The following MRPS14 variants were observed in gnomAD, a reference collection of about 807,000 sequenced individuals.
MRPS14 encodes the protein mitochondrial ribosomal protein S14, also known as small ribosomal subunit protein uS14m.
In MRPS14, 14 loss-of-function variants were observed where a neutral mutation model predicts 16.4. That is an observed-to-expected ratio of 0.85 (90% CI 0.56 to 1.33). The LOEUF is 1.33. Among genes scored for constraint, MRPS14 ranks in the 40% most tolerant of loss-of-function variants. The probability of loss-of-function intolerance (pLI) is 0.00; values close to 1 mark genes in which losing one functional copy is unlikely to be tolerated. For synonymous variants in MRPS14, 54 were observed against 61.9 expected (o/e 0.87, Z 0.60); for missense variants, 162 against 176.8 (o/e 0.92, Z 0.48).
At chr1:175,018,379 G>A in intron 2 of MRPS14, 39 bp downstream of exon 2, 1 of 1,531,000 alleles carries the variant, frequency 6.5e-7, no homozygotes, top group Non-Finnish European at 8.8e-7. Flanking sequence ...TTGAGTTAAT[G>A]ATCTTGTGGT....
chr1:175,014,360 C>A lies in MRPS14; in HGVS notation c.*309G>T. ...AATAATGCTCTTAATACAAAAACCCCTATATGTTACTAAAAGATTAAACTT... is the reference window on the plus strand; with the variant it reads ...AATAATGCTCTTAATACAAAAACCCATATATGTTACTAAAAGATTAAACTT... On this transcript the variant is annotated 3_prime_UTR_variant, in exon 3 of 3. Coordinates refer to ENST00000476371, the MANE Select transcript of MRPS14 (RefSeq NM_022100.3). 3 of 410,026 alleles carry A rather than the reference C, an allele frequency of 7.3e-6. No homozygotes were observed. Among genetic ancestry groups the A allele is most frequent in the Non-Finnish European group, 8.6e-6 (2 of 233,748 alleles). The allele number at this position is 410,026 out of a possible 1,614,324, so 25.4% of individuals were successfully genotyped here. A position where few individuals can be genotyped will look rare whatever the true frequency, so the allele number is the denominator to read the frequency against.
Position 175,014,013 on chromosome 1 carries a change from CAT to C in MRPS14, c.*654_*655del, listed in dbSNP as rs1672834120. On this transcript the variant is annotated 3_prime_UTR_variant, in exon 3 of 3. Coordinates refer to ENST00000476371, the MANE Select transcript of MRPS14 (RefSeq NM_022100.3). ...TCATTTCTGTTATGGATTAAATAAA[CAT>C]AAAAATAGGGAATATATACTGTTCC... The C allele has an allele frequency of 6.6e-6, 1 of 152,222 alleles. No homozygotes were observed. The allele number at this position is 152,222 out of a possible 1,614,324, so 9.4% of individuals were successfully genotyped here. A position where few individuals can be genotyped will look rare whatever the true frequency, so the allele number is the denominator to read the frequency against.
intron 1 of MRPS14, among the ~76,000 whole-genome samples, chr1:175,022,021 C>T (rs1341671981): frequency 6.6e-6 from 1 of 152,134 alleles, no homozygotes; most frequent in African/African-American, 2.4e-5. Flanking sequence ...ACTAGTGCAA[C>T]TGGGGAATGT....
chr1:175,014,985 G>T, intron 2 of MRPS14, 134 bp from the exon 3 acceptor site: 1 of 844,494 alleles, frequency 1.2e-6, no homozygotes, highest in Non-Finnish European at 1.8e-6. Context: ...CACCCAGGCT[G>T]TGGGTGTTAG....
intron 1 of MRPS14, 191 bp downstream of exon 1, chr1:175,023,173 G>T: frequency 7.1e-7 from 1 of 1,404,334 alleles, no homozygotes; most frequent in Non-Finnish European, 9.5e-7. Context: ...TTAGTCATAT[G>T]CTTACGAAAA....
chr1:175,020,549 C>T (rs1204961530), intron 1 of MRPS14, among the ~76,000 whole-genome samples: 1 of 151,940 alleles, frequency 6.6e-6, no homozygotes, highest in Non-Finnish European at 1.5e-5. Context: ...GCTCTTGTTG[C>T]CCAGGCTGGA....
chr1:175,021,353 C>T (rs188993743), intron 1 of MRPS14, among the ~76,000 whole-genome samples: 76 of 152,330 alleles, frequency 5.0e-4, no homozygotes, highest in Non-Finnish European at 3.7e-4. Flanking sequence ...TGAAATTACA[C>T]CCTGATCACT....
At chr1:175,016,871 G>A (rs563465139) in intron 2 of MRPS14, among the ~76,000 whole-genome samples, 19 of 152,168 alleles carry the variant, frequency 1.2e-4, no homozygotes, top group Admixed American at 2.0e-4. Context: ...CTATAGTTAC[G>A]GTGTTGTGCG....
chr1:175,020,662 C>T (rs988500847), intron 1 of MRPS14, among the ~76,000 whole-genome samples: 3 of 152,168 alleles, frequency 2.0e-5, no homozygotes. Context: ...GCATGTGCCA[C>T]AACACCCGGC....
chr1:175,014,887 C>A, intron 2 of MRPS14, 36 bp from the exon 3 acceptor site: 4 of 1,556,140 alleles, frequency 2.6e-6, no homozygotes, highest in Non-Finnish European at 2.6e-6. Context: ...GATCACATTA[C>A]ATTGTTGCAC....
chr1:175,020,504 T>C (rs769672399), intron 1 of MRPS14, among the ~76,000 whole-genome samples: 1 of 152,198 alleles, frequency 6.6e-6, no homozygotes, highest in Non-Finnish European at 1.5e-5. Flanking sequence ...AAAAGTAATA[T>C]CCATTTTTTC....
intron 2 of MRPS14, among the ~76,000 whole-genome samples, chr1:175,015,256 G>A (rs573529537): frequency 5.3e-5 from 8 of 152,148 alleles, no homozygotes; most frequent in Non-Finnish European, 1.0e-4. Flanking sequence ...GCCACTGGCA[G>A]GTAATGTTCA....
intron 2 of MRPS14, among the ~76,000 whole-genome samples, chr1:175,017,932 C>A (rs1226469442): frequency 6.6e-6 from 1 of 152,010 alleles, no homozygotes; most frequent in Admixed American, 6.6e-5. Context: ...GAGACCAGCC[C>A]AGCCAACATG....
chr1:175,016,269 A>C (rs1219032700), intron 2 of MRPS14, among the ~76,000 whole-genome samples: 1 of 152,126 alleles, frequency 6.6e-6, no homozygotes, highest in Non-Finnish European at 1.5e-5. Context: ...AAGGAACTGG[A>C]GAGGAGAAAT....
At chr1:175,020,218 G>C (rs1047523276) in intron 1 of MRPS14, among the ~76,000 whole-genome samples, 2 of 152,232 alleles carry the variant, frequency 1.3e-5, no homozygotes, top group South Asian at 4.1e-4. Context: ...GACAGGGGAG[G>C]GGAGAAAAGG....
In MRPS14 at chr1:175,014,655, G is replaced by T. The variant is rs1438875458; in HGVS notation, c.*14C>A. The T allele has an allele frequency of 5.6e-6, 9 of 1,600,026 alleles. No homozygotes were observed. The East Asian group carries it at 8.9e-5, about 16-fold the overall frequency. On this transcript the variant is annotated 3_prime_UTR_variant, in exon 3 of 3. Transcript: ENST00000476371. Reference sequence around the variant, plus strand: ...CTTGGCTTCCCTGCAAGCTCAATAGGTTCTGGAGCTCATTTACCATGTCGC... The same window carrying T: ...CTTGGCTTCCCTGCAAGCTCAATAGTTTCTGGAGCTCATTTACCATGTCGC...
intron 1 of MRPS14, among the ~76,000 whole-genome samples, chr1:175,021,379 C>T (rs1156492950): frequency 6.6e-6 from 1 of 152,132 alleles, no homozygotes; most frequent in Non-Finnish European, 1.5e-5. Context: ...TTCTTAACAC[C>T]TCTCCTTCAA....
chr1:175,015,117 T>G (rs1304480389), intron 2 of MRPS14, among the ~76,000 whole-genome samples: 1 of 151,836 alleles, frequency 6.6e-6, no homozygotes, highest in Non-Finnish European at 1.5e-5. Flanking sequence ...TCAGCTAATT[T>G]TTTGTATTAT....
intron 1 of MRPS14, 84 bp from the exon 2 acceptor site, chr1:175,018,660 C>A: frequency 8.2e-7 from 1 of 1,225,466 alleles, no homozygotes; most frequent in South Asian, 1.7e-5. Context: ...CTCTTTCTGC[C>A]ACTATTTATC....
Sources: allele counts gnomAD v4.1 joint callset (sites outside exome capture counted in the v4.1 genomes callset), GRCh38; gene constraint gnomAD v4.1.1; transcripts MANE v1.5; gene names NCBI Gene and HGNC (gene_info 2026-07-23, HGNC 2026-07-21).